Variants in SPOPL observed in about 807,000 individuals in gnomAD.
The protein encoded by SPOPL is speckle-type POZ protein-like.
SPOPL carries 23 observed loss-of-function variants against 53.8 expected under a neutral mutation model. That is an observed-to-expected ratio of 0.43 (90% CI 0.31 to 0.61). The LOEUF (loss-of-function observed/expected upper bound fraction) is 0.61. SPOPL is among the 20% of genes least tolerant of loss of function. SPOPL has a pLI of 0.12. For synonymous variants in SPOPL, 164 were observed against 149.7 expected, an observed-to-expected ratio of 1.10 and a Z score of -0.70; for missense variants, 442 against 466.9, an observed-to-expected ratio of 0.95 and a Z score of 0.49.
chr2:138,567,371 TAGTG>T (rs1482315189), intron 10 of SPOPL, among the ~76,000 whole-genome samples: 1 of 109,492 alleles, frequency 9.1e-6, no homozygotes, highest in Non-Finnish European at 1.9e-5. Context: ...AAGAGCAGTA[TAGTG>T]TGTGTGTGTG....
At chr2:138,553,596 TAGTA>T (rs1167130170) in intron 5 of SPOPL, among the ~76,000 whole-genome samples, 1 of 152,132 alleles carries the variant, frequency 6.6e-6, no homozygotes, top group Admixed American at 6.5e-5. Context: ...AATCTTTTTA[TAGTA>T]AGTGTATAAG....
intron 1 of SPOPL, among the ~76,000 whole-genome samples, chr2:138,520,903 T>G (rs1684542836): frequency 6.6e-6 from 1 of 152,172 alleles, no homozygotes; most frequent in South Asian, 2.1e-4. Context: ...TAATACTGTA[T>G]AAGACTATTA....
At chr2:138,513,535 G>A (rs1684374002) in intron 1 of SPOPL, among the ~76,000 whole-genome samples, 1 of 152,038 alleles carries the variant, frequency 6.6e-6, no homozygotes, top group Admixed American at 6.6e-5. Flanking sequence ...AGGCGACAGA[G>A]TGAGATTCCA....
At position 138,505,432 on chromosome 2, in the gene SPOPL, G is replaced by T. The variant is rs181966440; in HGVS notation, c.-61+3313G>T. On this transcript the variant is annotated intron_variant, in intron 1 of 10. Transcript: ENST00000280098. ...AAAGAGATTACTTGTATTCATGGAG[G>T]CAGAAGTCTGTTTGGGGAATAAAAT... is the stretch of plus-strand genomic sequence containing the variant. 1.2e-3 allele frequency among the ~76,000 whole-genome samples: 180 copies of T among 151,740 alleles called. 2 individuals carry two copies. The highest frequency in any genetic ancestry group is 4.1e-3 in the African/African-American group (169 of 41,294).
Position 138,565,006 on chromosome 2 carries a change from C to G in SPOPL, c.1034+13C>G, listed in dbSNP as rs759866384. On this transcript the variant is annotated intron_variant, in intron 10 of 10. Coordinates refer to ENST00000280098, the MANE Select transcript of SPOPL (RefSeq NM_001001664.3). ...ACTGGAACAGCAAGTAAGATGACAT[C>G]AGTTTCTGACTCAAAGTTGCTCTAC... 12 of 1,613,570 alleles carry G rather than the reference C, an allele frequency of 7.4e-6. 1 individual carries two copies. The Admixed American group carries it at 2.0e-4, about 27-fold the overall frequency.
intron 1 of SPOPL, among the ~76,000 whole-genome samples, chr2:138,541,900 T>C (rs1685080220): frequency 6.6e-6 from 1 of 152,238 alleles, no homozygotes; most frequent in African/African-American, 2.4e-5. Flanking sequence ...CTCTACACAC[T>C]GCTTTGAATG....
chr2:138,541,101 T>G (rs1317904819), intron 1 of SPOPL, among the ~76,000 whole-genome samples: 3 of 152,224 alleles, frequency 2.0e-5, no homozygotes, highest in African/African-American at 7.2e-5. Flanking sequence ...GCCCACTTGT[T>G]CATCATGGAT....
intron 1 of SPOPL, among the ~76,000 whole-genome samples, chr2:138,540,276 T>A (rs1360300483): frequency 6.6e-6 from 1 of 152,264 alleles, no homozygotes; most frequent in African/African-American, 2.4e-5. Flanking sequence ...TTTCCAATTC[T>A]GTGAAGAAAG....
chr2:138,505,617 AAAAAATAGT>A (rs1234153288), intron 1 of SPOPL, among the ~76,000 whole-genome samples: 3 of 148,388 alleles, frequency 2.0e-5, no homozygotes, highest in Non-Finnish European at 4.5e-5. Flanking sequence ...AAAAAAAAAA[AAAAAATAGT>A]TAGTTGGGTG....
chr2:138,568,598 A>G (rs1685714613), intron 10 of SPOPL, among the ~76,000 whole-genome samples: 1 of 152,208 alleles, frequency 6.6e-6, no homozygotes, highest in African/African-American at 2.4e-5. Flanking sequence ...CAATATTTGT[A>G]ACTCAAGAGA....
At chr2:138,513,687 C>CCT (rs2104857874) in intron 1 of SPOPL, among the ~76,000 whole-genome samples, 1 of 149,758 alleles carries the variant, frequency 6.7e-6, no homozygotes, top group Non-Finnish European at 1.5e-5. Context: ...AGGCAGTGAG[C>CCT]TATGGTCTTG....
intron 1 of SPOPL, among the ~76,000 whole-genome samples, chr2:138,547,534 A>G (rs186642235): frequency 1.3e-5 from 2 of 152,242 alleles, no homozygotes; most frequent in East Asian, 3.9e-4. Flanking sequence ...CCCAGGATCT[A>G]TTACTTAAAC....
At chr2:138,512,356 T>A (rs577801579) in intron 1 of SPOPL, among the ~76,000 whole-genome samples, 177 of 152,336 alleles carry the variant, frequency 1.2e-3, no homozygotes, top group African/African-American at 4.2e-3. Flanking sequence ...TGATGTGCTA[T>A]GATGGATATC....
intron 10 of SPOPL, among the ~76,000 whole-genome samples, chr2:138,565,195 A>G (rs763592543): frequency 1.3e-5 from 2 of 152,216 alleles, no homozygotes; most frequent in African/African-American, 2.4e-5. Flanking sequence ...GCAACCTCGG[A>G]TGGATGCTGT....
At chr2:138,560,054 A>G (rs144156463) in intron 7 of SPOPL, among the ~76,000 whole-genome samples, 2 of 152,226 alleles carry the variant, frequency 1.3e-5, no homozygotes, top group Non-Finnish European at 2.9e-5. Flanking sequence ...TACTATTGAC[A>G]TCAAGGGGTC....
chr2:138,502,408 C>G (rs1329756941), intron 1 of SPOPL, among the ~76,000 whole-genome samples: 1 of 152,238 alleles, frequency 6.6e-6, no homozygotes, highest in Non-Finnish European at 1.5e-5. Flanking sequence ...TAGTTTTACC[C>G]CCGGGCCTCG....
chr2:138,569,034 A>G lies in SPOPL; in HGVS notation c.1133A>G (p.Gln378Arg). Reference sequence around the variant, plus strand: ...GCCTTTCGAGCACTAGCATCTGCACAGTGTCCACAGTTTGGCATTCCACGC... The same window carrying G: ...GCCTTTCGAGCACTAGCATCTGCACGGTGTCCACAGTTTGGCATTCCACGC... ...AEAFRALASA[Q>R]CPQFGIPRKR... Residue 378 changes from glutamine to arginine, a missense_variant, in exon 11 of 11, where the codon CAG becomes CGG. By Grantham distance (43) the Gln-to-Arg change is conservative (BLOSUM62 1). Transcript: ENST00000280098. 1 of 1,613,992 alleles carries G rather than the reference A, an allele frequency of 6.2e-7. No individual in the cohort carries two copies. The highest frequency in any genetic ancestry group is 8.5e-7 in the Non-Finnish European group (1 of 1,179,936).
At chr2:138,534,279 A>G (rs1327219002) in intron 1 of SPOPL, among the ~76,000 whole-genome samples, 1 of 152,038 alleles carries the variant, frequency 6.6e-6, no homozygotes, top group Non-Finnish European at 1.5e-5. Flanking sequence ...AATATATGGG[A>G]AAAAAAATTA....
In SPOPL at chr2:138,531,576, C is replaced by T. The variant is rs142937262; in HGVS notation, c.-60-18581C>T. Among the ~76,000 whole-genome samples the T allele has an allele frequency of 4.5e-3, 690 of 152,236 alleles. 8 individuals are homozygous for T. The highest frequency in any genetic ancestry group is 0.015 in the African/African-American group (632 of 41,554). ...TGTTAGACTCTTGCACTGTGTCTCA[C>T]GTTTGCCTTAGGCTCTTTGTAATAC... On this transcript the variant is annotated intron_variant, in intron 1 of 10. Coordinates refer to ENST00000280098, the MANE Select transcript of SPOPL (RefSeq NM_001001664.3).
Sources: allele counts gnomAD v4.1 joint callset (sites outside exome capture counted in the v4.1 genomes callset), GRCh38; gene constraint gnomAD v4.1.1; transcripts MANE v1.5; gene names NCBI Gene and HGNC (gene_info 2026-07-23, HGNC 2026-07-21).